PCDH15: variants seen among roughly 807,000 people sequenced by gnomAD.
PCDH15 encodes the protein protocadherin related 15.
In PCDH15, 129 loss-of-function variants were observed where a neutral mutation model predicts 178.5. The observed-to-expected ratio is 0.72, with a 90% CI of 0.63 to 0.84. The LOEUF (loss-of-function observed/expected upper bound fraction) is 0.84. PCDH15 is among the 40% of genes least tolerant of loss of function. The probability of loss-of-function intolerance (pLI) is 0.00; values close to 1 mark genes in which losing one functional copy is unlikely to be tolerated. For missense variants in PCDH15, 2,230 were observed against 2,099.9 expected, an observed-to-expected ratio of 1.06 and a Z score of -1.21; for synonymous variants, 800 against 732.0, an observed-to-expected ratio of 1.09 and a Z score of -1.50.
chr10:55,058,500 T>C (rs1841359625), intron 2 of PCDH15, among the ~76,000 whole-genome samples: 1 of 152,158 alleles, frequency 6.6e-6, no homozygotes, highest in Non-Finnish European at 1.5e-5. Flanking sequence ...TGAGCCACCA[T>C]ACCTGGCCTA....
intron 3 of PCDH15, among the ~76,000 whole-genome samples, chr10:54,518,391 C>T (rs988200772): frequency 2.6e-5 from 4 of 152,000 alleles, no homozygotes; most frequent in Non-Finnish European, 4.4e-5. Context: ...CACCACCGAT[C>T]CCACAGAAAT....
intron 2 of PCDH15, among the ~76,000 whole-genome samples, chr10:54,989,433 A>G (rs1839449453): frequency 6.6e-6 from 1 of 152,232 alleles, no homozygotes; most frequent in Non-Finnish European, 1.5e-5. Context: ...AGCAGCCAGA[A>G]GGCAGGAGGC....
intron 6 of PCDH15, among the ~76,000 whole-genome samples, chr10:54,331,386 C>T (rs1417102406): frequency 6.6e-6 from 1 of 151,772 alleles, no homozygotes; most frequent in Non-Finnish European, 1.5e-5. Flanking sequence ...ATGTAATGGG[C>T]CTTGCAAATC....
intron 28 of PCDH15, among the ~76,000 whole-genome samples, chr10:53,852,348 G>A (rs1286480874): frequency 1.3e-5 from 2 of 152,110 alleles, no homozygotes; most frequent in African/African-American, 2.4e-5. Flanking sequence ...CTTAAAATAC[G>A]TCAGAGCACA....
In PCDH15 at chr10:53,831,554, T is replaced by C. The variant is rs772908001; in HGVS notation, c.3984-21A>G. ...AAAATCTTTATTGTTAGATAAATAG[T>C]AAAATTAATGATGCTAGCAGAGAAA... On this transcript the variant is annotated intron_variant, in intron 29 of 37. Transcript: ENST00000644397. 2 of 1,496,636 alleles carry C rather than the reference T, an allele frequency of 1.3e-6. 1 individual carries two copies. Among genetic ancestry groups the C allele is most frequent in the Middle Eastern group, 3.5e-4 (2 of 5,710 alleles). The allele number at this position is 1,496,636 out of a possible 1,614,324, so 92.7% of individuals were successfully genotyped here.
At chr10:54,482,514 G>A (rs1359724331) in intron 3 of PCDH15, among the ~76,000 whole-genome samples, 2 of 151,678 alleles carry the variant, frequency 1.3e-5, no homozygotes, top group African/African-American at 4.8e-5. Flanking sequence ...CTCCCCACTG[G>A]TGTCCTTGTG....
intron 3 of PCDH15, among the ~76,000 whole-genome samples, chr10:54,450,866 T>C (rs936456547): frequency 6.6e-6 from 1 of 151,854 alleles, no homozygotes; most frequent in Non-Finnish European, 1.5e-5. Context: ...AAATATAACA[T>C]AGCTTTGCCA....
intron 2 of PCDH15, among the ~76,000 whole-genome samples, chr10:55,031,512 G>C (rs1840607453): frequency 6.6e-6 from 1 of 152,130 alleles, no homozygotes; most frequent in African/African-American, 2.4e-5. Flanking sequence ...CAACTTTGTG[G>C]GCATGAGTCT....
intron 2 of PCDH15, chr10:55,366,329 G>A (rs1469212928): frequency 5.9e-5 from 9 of 151,966 alleles, no homozygotes; most frequent in Admixed American, 5.9e-4. Flanking sequence ...TAAAACATAA[G>A]CAATTCTGCT....
chr10:54,960,948 C>A (rs1838630117), intron 2 of PCDH15, among the ~76,000 whole-genome samples: 1 of 152,074 alleles, frequency 6.6e-6, no homozygotes, highest in Admixed American at 6.6e-5. Context: ...AGGCCAATCA[C>A]AAGGAAATTA....
At chr10:54,458,440 A>G (rs12251858) in intron 3 of PCDH15, among the ~76,000 whole-genome samples, 7,134 of 152,190 alleles carry the variant, frequency 0.047, 361 homozygotes, top group African/African-American at 0.12. Flanking sequence ...CTCTCCATAC[A>G]ATTCACTCAA....
chr10:55,135,109 C>T (rs1232932919), intron 2 of PCDH15, among the ~76,000 whole-genome samples: 1 of 151,962 alleles, frequency 6.6e-6, no homozygotes, highest in Non-Finnish European at 1.5e-5. Flanking sequence ...ATTAAACAAC[C>T]ATTGAGTTTC....
At chr10:54,723,263 G>A (rs769831187) in intron 1 of PCDH15, among the ~76,000 whole-genome samples, 3 of 151,314 alleles carry the variant, frequency 2.0e-5, no homozygotes, top group Non-Finnish European at 4.4e-5. Flanking sequence ...ACAATCAGTC[G>A]ATCTTCAAAA....
intron 2 of PCDH15, among the ~76,000 whole-genome samples, chr10:54,985,133 G>T (rs1839330953): frequency 6.6e-6 from 1 of 151,904 alleles, no homozygotes; most frequent in Non-Finnish European, 1.5e-5. Flanking sequence ...CTACAAAATG[G>T]GCAATTTTAT....
At chr10:54,128,717 T>G (rs1350923180) in intron 15 of PCDH15, among the ~76,000 whole-genome samples, 4 of 152,212 alleles carry the variant, frequency 2.6e-5, no homozygotes, top group African/African-American at 9.6e-5. Flanking sequence ...AGATAAAATC[T>G]GAGAAATGAA....
chr10:54,221,402 A>C (rs2052793422), intron 9 of PCDH15, among the ~76,000 whole-genome samples: 1 of 152,106 alleles, frequency 6.6e-6, no homozygotes, highest in African/African-American at 2.4e-5. Context: ...TATATTTAAA[A>C]TGTAGAATTT....
At chr10:55,503,790 A>G (rs928798581) in intron 2 of PCDH15, among the ~76,000 whole-genome samples, 1 of 151,520 alleles carries the variant, frequency 6.6e-6, no homozygotes, top group Non-Finnish European at 1.5e-5. Flanking sequence ...GTCAAGGAGT[A>G]AAAGGAATTA....
intron 3 of PCDH15, among the ~76,000 whole-genome samples, chr10:54,834,685 T>A (rs115002093): frequency 5.3e-5 from 8 of 152,194 alleles, no homozygotes; most frequent in Non-Finnish European, 1.0e-4. Flanking sequence ...CTCTATACTA[T>A]AGATTTTATG....
intron 20 of PCDH15, among the ~76,000 whole-genome samples, chr10:54,004,225 A>T (rs1042335260): frequency 9.2e-5 from 14 of 152,122 alleles, no homozygotes; most frequent in African/African-American, 3.4e-4. Context: ...ACGATCTGGG[A>T]CACAACCAGG....
Sources: allele counts gnomAD v4.1 joint callset (sites outside exome capture counted in the v4.1 genomes callset), GRCh38; gene constraint gnomAD v4.1.1; transcripts MANE v1.5; gene names NCBI Gene and HGNC (gene_info 2026-07-23, HGNC 2026-07-21).